The following RPS6KA5 variants were observed in gnomAD, a reference collection of about 807,000 sequenced individuals.
RPS6KA5 encodes the protein ribosomal protein S6 kinase alpha-5.
A neutral mutation model predicts 85.5 loss-of-function variants in RPS6KA5; 27 were observed. The ratio of observed to expected loss-of-function variants is 0.32; its 90% CI spans 0.23 to 0.44. The LOEUF (loss-of-function observed/expected upper bound fraction) is 0.44. Among genes scored for constraint, RPS6KA5 ranks in the 20% least tolerant of loss-of-function variants. RPS6KA5 has a pLI of 1.00. For synonymous variants in RPS6KA5, 334 were observed against 348.2 expected (o/e 0.96, Z 0.46); for missense variants, 811 against 980.9 (o/e 0.83, Z 2.31).
At chr14:91,017,689 G>A (rs570933879) in intron 1 of RPS6KA5, among the ~76,000 whole-genome samples, 1 of 152,332 alleles carries the variant, frequency 6.6e-6, no homozygotes, top group African/African-American at 2.4e-5. Flanking sequence ...GTGGAAATTT[G>A]AGTGGCACCA....
intron 1 of RPS6KA5, among the ~76,000 whole-genome samples, chr14:91,010,664 T>C (rs1417496846): frequency 1.3e-5 from 2 of 152,060 alleles, no homozygotes; most frequent in East Asian, 3.8e-4. Flanking sequence ...ACAATAACAA[T>C]TCTGTTCAAG....
chr14:91,029,142 A>C (rs1488926866), intron 1 of RPS6KA5, among the ~76,000 whole-genome samples: 1 of 152,242 alleles, frequency 6.6e-6, no homozygotes, highest in Admixed American at 6.5e-5. Flanking sequence ...CGAACCACAG[A>C]AAATGACTTA....
rs770587636 is a variant in RPS6KA5 at position 90,920,223 on chromosome 14, G to A, written c.789C>T (p.Ser263=). Residue 263 remains serine, a synonymous_variant, in exon 7 of 17, where the codon TCC becomes TCT. Coordinates refer to ENST00000614987, the MANE Select transcript of RPS6KA5 (RefSeq NM_004755.4). ...AATCTTACCTAGATATCTCAGCTTGGGAATTTTTTTCTCCATCAACAGTGA... is the reference window on the plus strand; with the variant it reads ...AATCTTACCTAGATATCTCAGCTTGAGAATTTTTTTCTCCATCAACAGTGA... ...SPFTVDGEKN[S]QAEISRRILK... The A allele has an allele frequency of 1.4e-5, 23 of 1,606,302 alleles. No individual in the cohort carries two copies. The highest frequency in any genetic ancestry group is 4.0e-5 in the African/African-American group (3 of 74,674).
chr14:90,954,791 T>C (rs1396025984), intron 3 of RPS6KA5, among the ~76,000 whole-genome samples: 1 of 152,234 alleles, frequency 6.6e-6, no homozygotes, highest in Non-Finnish European at 1.5e-5. Flanking sequence ...GTTGTATTTC[T>C]TGAGTAAGTT....
At chr14:91,036,774 T>C (rs7156252) in intron 1 of RPS6KA5, among the ~76,000 whole-genome samples, 109,938 of 152,114 alleles carry the variant, frequency 0.72, 39,828 homozygotes, top group East Asian at 0.87. Context: ...AAAGAATTTC[T>C]CTACTGGCTC....
intron 2 of RPS6KA5, among the ~76,000 whole-genome samples, chr14:90,982,907 A>G (rs2039858938): frequency 6.6e-6 from 1 of 152,084 alleles, no homozygotes. Flanking sequence ...AGGTCAGGAG[A>G]TGGAGACCAT....
At chr14:90,910,786 C>T (rs934348034) in intron 7 of RPS6KA5, among the ~76,000 whole-genome samples, 1 of 151,778 alleles carries the variant, frequency 6.6e-6, no homozygotes, top group African/African-American at 2.4e-5. Flanking sequence ...CCCAGGTTCA[C>T]GCCATCCTCC....
chr14:90,894,012 A>T (rs1022452920), intron 13 of RPS6KA5: 2 of 895,018 alleles, frequency 2.2e-6, no homozygotes, highest in Non-Finnish European at 2.7e-6. Context: ...TCATGAGCTA[A>T]CCAATTTGAT....
At chr14:90,923,064 T>C (rs2036484998) in intron 6 of RPS6KA5, 49 bp downstream of exon 6, 2 of 1,347,932 alleles carry the variant, frequency 1.5e-6, no homozygotes, top group Non-Finnish European at 2.1e-6. Flanking sequence ...AGGATTCTTA[T>C]AGTACATTTT....
intron 1 of RPS6KA5, among the ~76,000 whole-genome samples, chr14:91,034,884 G>A (rs2042336798): frequency 6.6e-6 from 1 of 151,758 alleles, no homozygotes; most frequent in Non-Finnish European, 1.5e-5. Flanking sequence ...TCTGCTTTAA[G>A]TCAATCCATT....
intron 14 of RPS6KA5, among the ~76,000 whole-genome samples, chr14:90,881,530 C>T (rs1027184375): frequency 3.3e-5 from 5 of 151,608 alleles, no homozygotes; most frequent in Non-Finnish European, 7.4e-5. Context: ...GACGGAGTTT[C>T]GCTCTTGTTA....
intron 3 of RPS6KA5, among the ~76,000 whole-genome samples, chr14:90,951,738 G>A (rs2038200815): frequency 1.3e-5 from 2 of 152,090 alleles, no homozygotes; most frequent in Non-Finnish European, 2.9e-5. Context: ...TTGCATAGAA[G>A]GTTCCGCTCG....
At position 90,871,882 on chromosome 14, in the gene RPS6KA5, T is replaced by G. The variant is rs1276035446; in HGVS notation, c.*192A>C. 1 of 631,718 alleles carries G rather than the reference T, an allele frequency of 1.6e-6. No homozygotes were observed. The highest frequency in any genetic ancestry group is 2.7e-6 in the Non-Finnish European group (1 of 376,656). 39.1% of individuals were successfully genotyped at this position (631,718 alleles called of 1,614,324 possible). A position where few individuals can be genotyped will look rare whatever the true frequency, so the allele number is the denominator to read the frequency against. On this transcript the variant is annotated 3_prime_UTR_variant, in exon 17 of 17. Coordinates refer to ENST00000614987, the MANE Select transcript of RPS6KA5 (RefSeq NM_004755.4). ...GGTTGCTAAAAAGAGTAATATGTGC[T>G]CTATTCACAGTAACATTCTCTGTCC...
At chr14:90,907,356 C>T (rs1162609298) in intron 7 of RPS6KA5, among the ~76,000 whole-genome samples, 3 of 152,128 alleles carry the variant, frequency 2.0e-5, no homozygotes, top group Admixed American at 6.6e-5. Flanking sequence ...CCTTGAGATA[C>T]CTAAACTCTG....
At chr14:90,961,762 A>G (rs2038807934) in intron 3 of RPS6KA5, among the ~76,000 whole-genome samples, 1 of 152,170 alleles carries the variant, frequency 6.6e-6, no homozygotes, top group Non-Finnish European at 1.5e-5. Flanking sequence ...ACAGAACTTA[A>G]GGACAGCAAT....
chr14:91,003,273 T>C (rs1424896101), intron 1 of RPS6KA5, among the ~76,000 whole-genome samples: 1 of 152,114 alleles, frequency 6.6e-6, no homozygotes, highest in African/African-American at 2.4e-5. Context: ...TTTATATTTA[T>C]ATATTACTTA....
At position 90,848,288 on chromosome 14, in the gene RPS6KA5, CA is replaced by C. The variant is rs2031816876; in HGVS notation, c.*23785del. On this transcript the variant is annotated 3_prime_UTR_variant, in exon 17 of 17. Coordinates refer to ENST00000614987, the MANE Select transcript of RPS6KA5 (RefSeq NM_004755.4). The stretch of plus-strand genomic sequence containing the variant: ...TCGCTATAATAAAGCACTCAAAGAA[CA>C]TCGAAATAACTTCATATCTATAGCA... The C allele has an allele frequency of 1.3e-5, 2 of 152,174 alleles. No homozygotes were observed. Among genetic ancestry groups the C allele is most frequent in the African/African-American group, 4.8e-5 (2 of 41,448 alleles). The allele number at this position is 152,174 out of a possible 1,614,324, so 9.4% of individuals were successfully genotyped here. A position where few individuals can be genotyped will look rare whatever the true frequency, so the allele number is the denominator to read the frequency against.
At chr14:90,943,296 C>G (rs1401602912) in intron 4 of RPS6KA5, 111 bp from the exon 5 acceptor site, 2 of 621,168 alleles carry the variant, frequency 3.2e-6, no homozygotes, top group African/African-American at 1.9e-5. Context: ...GCATTTCCCT[C>G]CTCAGGATCC....
chr14:90,973,187 T>C (rs1319037518), intron 3 of RPS6KA5, among the ~76,000 whole-genome samples: 5 of 152,224 alleles, frequency 3.3e-5, no homozygotes, highest in South Asian at 4.1e-4. Context: ...ATGCCTGTCA[T>C]CCCAGCACTT....
Sources: gnomAD v4.1 joint callset for allele counts (sites outside exome capture counted in the v4.1 genomes callset) on GRCh38, gnomAD v4.1.1 for gene constraint, MANE v1.5 for transcripts, NCBI Gene and HGNC (gene_info 2026-07-23, HGNC 2026-07-21) for gene names.